The following KAT6B variants were observed in gnomAD, a reference collection of about 807,000 sequenced individuals.
KAT6B encodes lysine acetyltransferase 6B.
A neutral mutation model predicts 187.5 loss-of-function variants in KAT6B; 10 were observed. That is an observed-to-expected ratio of 0.05 (90% CI 0.03 to 0.09). The LOEUF (loss-of-function observed/expected upper bound fraction) is 0.09, where lower values mean the gene tolerates loss of function less well. Ranked by LOEUF, KAT6B falls within the 10% of genes least tolerant of loss-of-function variation. KAT6B has a pLI of 1.00. For synonymous variants in KAT6B, 861 were observed against 926.8 expected (o/e 0.93, Z 1.29); for missense variants, 1,952 against 2,558.9 (o/e 0.76, Z 5.12).
rs750808150 is a variant in KAT6B at position 75,029,030 on chromosome 10, T to C, written c.4206T>C (p.Ser1402=). Residue 1402 remains serine, a synonymous_variant, in exon 18 of 18, where the codon TCT becomes TCC. Coordinates refer to ENST00000287239, the MANE Select transcript of KAT6B (RefSeq NM_012330.4). This position sits in a 1 kb window ranked among gnomAD's most constrained non-coding sequence, Gnocchi z 6.2. ...AAATCTCCACGGAAAAAGAAGACTC[T>C]GCACGTTTGGATGATCACGAAGAGG... The part of the protein sequence containing the change: ...EPEISTEKED[S]ARLDDHEEEE... 6.2e-7 allele frequency: 1 copy of C among 1,613,974 alleles called. No homozygotes were observed. The highest frequency in any genetic ancestry group is 8.5e-7 in the Non-Finnish European group (1 of 1,179,988).
At chr10:75,014,342 GAGAA>G (rs1198424429) in intron 13 of KAT6B, among the ~76,000 whole-genome samples, 4 of 152,154 alleles carry the variant, frequency 2.6e-5, no homozygotes, top group Non-Finnish European at 5.9e-5. Context: ...AAAATAAAGA[GAGAA>G]AGAGAGAATC....
At chr10:75,023,433 G>A (rs941010409) in intron 16 of KAT6B, 1 of 152,228 alleles carries the variant, frequency 6.6e-6, no homozygotes, top group Non-Finnish European at 1.5e-5. Context: ...CATTTCTTAG[G>A]AGGAGTGTGT....
intron 3 of KAT6B, among the ~76,000 whole-genome samples, chr10:74,900,975 T>C (rs192887580): frequency 6.6e-6 from 1 of 152,286 alleles, no homozygotes; most frequent in African/African-American, 2.4e-5. Context: ...GTGTCCTAAG[T>C]GTGTGTCCTT....
At chr10:74,902,848 C>T (rs1846496546) in intron 3 of KAT6B, among the ~76,000 whole-genome samples, 1 of 152,122 alleles carries the variant, frequency 6.6e-6, no homozygotes, top group Non-Finnish European at 1.5e-5. Flanking sequence ...CTTATCAACT[C>T]CTTTGAGAAG....
At chr10:74,946,110 G>A (rs1046619069) in intron 3 of KAT6B, among the ~76,000 whole-genome samples, 13 of 152,184 alleles carry the variant, frequency 8.5e-5, no homozygotes, top group Non-Finnish European at 1.8e-4. Flanking sequence ...ATCATTTTCT[G>A]TAGTAGATTT....
intron 3 of KAT6B, among the ~76,000 whole-genome samples, chr10:74,883,646 A>G (rs1845027935): frequency 6.6e-6 from 1 of 152,184 alleles, no homozygotes; most frequent in Non-Finnish European, 1.5e-5. Flanking sequence ...GTCTTGGGTA[A>G]TTAAAGCTCA....
chr10:74,938,608 A>G (rs1291982168), intron 3 of KAT6B, among the ~76,000 whole-genome samples: 1 of 152,244 alleles, frequency 6.6e-6, no homozygotes, highest in African/African-American at 2.4e-5. Flanking sequence ...GACACTGAAT[A>G]TGGAAAGGAA....
In KAT6B at chr10:75,029,900, C is replaced by T; in HGVS notation, c.5076C>T (p.Gly1692=). ...GCAGCTACGATTCTACTATGGGAGG[C>T]AGCATCTGTGGAAACGGCTCTTCAC... ...NPSSYDSTMG[G]SICGNGSSQN... Residue 1692 remains glycine (G), a synonymous_variant, in exon 18 of 18, where the codon GGC becomes GGT. Transcript: ENST00000287239. This position sits in a 1 kb window ranked among gnomAD's most constrained non-coding sequence, Gnocchi z 6.2. 6.2e-7 allele frequency: 1 copy of T among 1,614,218 alleles called. No homozygotes were observed. Among genetic ancestry groups the T allele is most frequent in the Non-Finnish European group, 8.5e-7 (1 of 1,180,038 alleles).
Position 75,029,045 on chromosome 10 carries a change from T to C in KAT6B, c.4221T>C (p.Asp1407=). The C allele has an allele frequency of 6.2e-7, 1 of 1,613,820 alleles. No homozygotes were observed. The highest frequency in any genetic ancestry group is 8.5e-7 in the Non-Finnish European group (1 of 1,179,970). The stretch of plus-strand genomic sequence containing the variant: ...AAGAAGACTCTGCACGTTTGGATGA[T>C]CACGAAGAGGAGGAGGAAGAGGATG... ...TEKEDSARLD[D]HEEEEEEDEE... Residue 1407 remains aspartate (D), a synonymous_variant, in exon 18 of 18, where the codon GAT becomes GAC. Transcript: ENST00000287239. The surrounding 1 kb of genome is among the most constrained non-coding windows in gnomAD (Gnocchi z 6.2).
intron 3 of KAT6B, among the ~76,000 whole-genome samples, chr10:74,884,420 A>G (rs1845084070): frequency 6.6e-6 from 1 of 152,242 alleles, no homozygotes; most frequent in African/African-American, 2.4e-5. Flanking sequence ...TTTCATTGTG[A>G]TGAGACAAAT....
intron 3 of KAT6B, among the ~76,000 whole-genome samples, chr10:74,851,101 A>C (rs987386024): frequency 7.4e-5 from 11 of 148,784 alleles, no homozygotes. Context: ...ATAAGAAAAA[A>C]ATCAAAATGA....
intron 3 of KAT6B, among the ~76,000 whole-genome samples, chr10:74,939,258 T>C (rs1333931742): frequency 6.6e-6 from 1 of 152,174 alleles, no homozygotes; most frequent in East Asian, 1.9e-4. Context: ...TGTGAGGATG[T>C]ATGGGAACAC....
At chr10:74,871,221 C>CT (rs1843933931) in intron 3 of KAT6B, among the ~76,000 whole-genome samples, 1 of 101,278 alleles carries the variant, frequency 9.9e-6, no homozygotes, top group African/African-American at 4.0e-5. Context: ...GATATGGAGT[C>CT]TTACTCTGTC....
chr10:74,998,880 A>T (rs1843636784), intron 13 of KAT6B, among the ~76,000 whole-genome samples: 1 of 152,172 alleles, frequency 6.6e-6, no homozygotes, highest in Non-Finnish European at 1.5e-5. Flanking sequence ...GTGAACTATG[A>T]TTGCACCACT....
intron 3 of KAT6B, among the ~76,000 whole-genome samples, chr10:74,947,482 A>T (rs1380780626): frequency 6.6e-6 from 1 of 152,244 alleles, no homozygotes; most frequent in East Asian, 1.9e-4. Context: ...CAAGTATGAG[A>T]AATGTTACAT....
chr10:74,969,919 C>T, intron 5 of KAT6B, 101 bp from the exon 6 acceptor site: 1 of 1,033,686 alleles, frequency 9.7e-7, no homozygotes. Flanking sequence ...TCTTGGTGCA[C>T]TTTCCTTATA....
chr10:74,982,054 C>T, intron 11 of KAT6B, 126 bp downstream of exon 11: 1 of 805,700 alleles, frequency 1.2e-6, no homozygotes, highest in Non-Finnish European at 2.1e-6. Flanking sequence ...TTCAGACTGC[C>T]CTTTAAAACA....
chr10:74,929,102 C>G (rs1848692667), intron 3 of KAT6B, among the ~76,000 whole-genome samples: 3 of 152,136 alleles, frequency 2.0e-5, no homozygotes, highest in African/African-American at 7.2e-5. Flanking sequence ...GTGGTTTGGG[C>G]CTCATTGCTT....
intron 3 of KAT6B, among the ~76,000 whole-genome samples, chr10:74,904,930 G>A (rs1480751439): frequency 6.6e-6 from 1 of 151,966 alleles, no homozygotes; most frequent in Non-Finnish European, 1.5e-5. Context: ...GATTGTTAGA[G>A]AACTTCTACC....
Sources: allele counts gnomAD v4.1 joint callset (sites outside exome capture counted in the v4.1 genomes callset), GRCh38; gene constraint gnomAD v4.1.1; non-coding constraint Gnocchi (gnomAD v3.1); transcripts MANE v1.5; gene names NCBI Gene and HGNC (gene_info 2026-07-23, HGNC 2026-07-21).